The following GRID2 variants were observed in gnomAD, a reference collection of about 807,000 sequenced individuals.
GRID2 encodes glutamate receptor ionotropic, delta-2.
GRID2 carries 33 observed loss-of-function variants against 114.8 expected under a neutral mutation model. That is an observed-to-expected ratio of 0.29 (90% confidence interval 0.22 to 0.38). The LOEUF is 0.38. GRID2 is among the 10% of genes least tolerant of loss of function. GRID2 has a pLI of 1.00. For missense variants in GRID2, 1,184 were observed against 1,257.7 expected, an observed-to-expected ratio of 0.94 and a Z score of 0.89; for synonymous variants, 505 against 449.9, an observed-to-expected ratio of 1.12 and a Z score of -1.55.
chr4:93,419,984 A>G (rs989288535), intron 9 of GRID2, among the ~76,000 whole-genome samples: 3 of 152,142 alleles, frequency 2.0e-5, no homozygotes, highest in African/African-American at 7.2e-5. Context: ...TTTAAGTGTC[A>G]TATCGAAGAG....
At chr4:93,070,424 A>G (rs557060405) in intron 2 of GRID2, among the ~76,000 whole-genome samples, 1 of 152,204 alleles carries the variant, frequency 6.6e-6, no homozygotes, top group African/African-American at 2.4e-5. Context: ...TGCAGATGGT[A>G]AAAGATTACT....
intron 2 of GRID2, among the ~76,000 whole-genome samples, chr4:92,963,924 T>A (rs1017176395): frequency 6.6e-6 from 1 of 152,002 alleles, no homozygotes; most frequent in Non-Finnish European, 1.5e-5. Flanking sequence ...CAATATTAAT[T>A]TCCTTGTGAA....
intron 2 of GRID2, among the ~76,000 whole-genome samples, chr4:92,788,270 T>C (rs978626581): frequency 2.0e-5 from 3 of 151,690 alleles, no homozygotes; most frequent in Non-Finnish European, 4.4e-5. Flanking sequence ...AGACTAAAGG[T>C]TGAGAGTCAA....
intron 2 of GRID2, among the ~76,000 whole-genome samples, chr4:92,663,165 G>T (rs62309222): frequency 7.3e-5 from 11 of 150,914 alleles, no homozygotes; most frequent in Non-Finnish European, 1.2e-4. Context: ...ACTCTAAAAA[G>T]AAACACCAGC....
chr4:92,667,022 G>T (rs1162232338), intron 2 of GRID2, among the ~76,000 whole-genome samples: 1 of 151,490 alleles, frequency 6.6e-6, no homozygotes, highest in Non-Finnish European at 1.5e-5. Flanking sequence ...TGAGTTGTAT[G>T]AAAACTGCTC....
intron 1 of GRID2, among the ~76,000 whole-genome samples, chr4:92,346,718 C>G (rs17019324): frequency 6.6e-6 from 1 of 151,874 alleles, no homozygotes; most frequent in Non-Finnish European, 1.5e-5. Flanking sequence ...AGTAAAAGTT[C>G]GAATATTCAT....
At position 92,659,033 on chromosome 4, in the gene GRID2, C is replaced by T. The variant is rs982871449; in HGVS notation, c.244+68747C>T. ...GTTATTTTCTACACTCTAGTTGTTT[C>T]TACAGGACTTTCTGTGCCCCAATAG... On this transcript the variant is annotated intron_variant, in intron 2 of 15. Coordinates refer to ENST00000282020, the MANE Select transcript of GRID2 (RefSeq NM_001510.4). Among the ~76,000 whole-genome samples the T allele has an allele frequency of 2.2e-5, 3 of 134,720 alleles. 1 individual carries two copies. Among genetic ancestry groups the T allele is most frequent in the South Asian group, 2.8e-4 (1 of 3,608 alleles). The allele number at this position is 134,720 out of a possible 152,430, so 88.4% of individuals were successfully genotyped here. A position where few individuals can be genotyped will look rare whatever the true frequency, so the allele number is the denominator to read the frequency against.
rs200657084 is a variant in GRID2 at position 93,225,255 on chromosome 4, T to G, written c.1125+480T>G. ...TATGTTGCAGCATTTGTGAACTATTTGGGGTAACTGATTGCATTATTCCTC... is the reference window on the plus strand; with the variant it reads ...TATGTTGCAGCATTTGTGAACTATTGGGGGTAACTGATTGCATTATTCCTC... On this transcript the variant is annotated intron_variant, in intron 7 of 15. Coordinates refer to ENST00000282020, the MANE Select transcript of GRID2 (RefSeq NM_001510.4). Among the ~76,000 whole-genome samples, 14 of 152,304 alleles carry G rather than the reference T, an allele frequency of 9.2e-5. No individual in the cohort carries two copies. In the East Asian group the frequency reaches 2.7e-3, roughly 29 times the overall value.
At chr4:93,099,144 C>G (rs1476901427) in intron 3 of GRID2, among the ~76,000 whole-genome samples, 9 of 151,664 alleles carry the variant, frequency 5.9e-5, no homozygotes, top group Non-Finnish European at 1.3e-4. Context: ...AGTTACCACC[C>G]TGAGTTACAT....
chr4:92,522,210 C>A (rs926304095), intron 1 of GRID2, among the ~76,000 whole-genome samples: 2 of 151,726 alleles, frequency 1.3e-5, no homozygotes, highest in South Asian at 2.1e-4. Context: ...ATTCCAGACA[C>A]AGGAAAGAGA....
intron 4 of GRID2, among the ~76,000 whole-genome samples, chr4:93,183,926 T>C (rs1740145213): frequency 6.6e-6 from 1 of 152,200 alleles, no homozygotes; most frequent in African/African-American, 2.4e-5. Context: ...CCTTACACTA[T>C]ATCAGTTCTT....
At chr4:93,272,411 CA>C (rs1194173508) in intron 8 of GRID2, among the ~76,000 whole-genome samples, 1 of 152,156 alleles carries the variant, frequency 6.6e-6, no homozygotes, top group Non-Finnish European at 1.5e-5. Context: ...CTGGGCTGAG[CA>C]GAAGGGCCAG....
At chr4:93,316,016 G>C (rs1164355068) in intron 8 of GRID2, among the ~76,000 whole-genome samples, 1 of 152,060 alleles carries the variant, frequency 6.6e-6, no homozygotes, top group Non-Finnish European at 1.5e-5. Context: ...TTGATGAGGA[G>C]ACTTGAGAAA....
chr4:93,173,998 A>C (rs1739102948), intron 4 of GRID2, among the ~76,000 whole-genome samples: 1 of 152,158 alleles, frequency 6.6e-6, no homozygotes. Flanking sequence ...AGTCATGAGA[A>C]ATAATATAGA....
At chr4:92,915,856 T>G (rs1192664080) in intron 2 of GRID2, among the ~76,000 whole-genome samples, 1 of 152,166 alleles carries the variant, frequency 6.6e-6, no homozygotes, top group African/African-American at 2.4e-5. Flanking sequence ...TGGCCACATG[T>G]ATGTCTTCTT....
chr4:92,305,019 T>C (rs1725302847), intron 1 of GRID2, among the ~76,000 whole-genome samples: 1 of 152,184 alleles, frequency 6.6e-6, no homozygotes, highest in Non-Finnish European at 1.5e-5. Flanking sequence ...GAGTGTGTGC[T>C]GGGAACTGCA....
intron 2 of GRID2, among the ~76,000 whole-genome samples, chr4:92,927,683 C>G (rs1017807845): frequency 1.5e-4 from 22 of 151,710 alleles, no homozygotes; most frequent in African/African-American, 4.6e-4. Context: ...ATCCAAAAGA[C>G]AGAGCCATCA....
chr4:93,097,670 G>C (rs919970157), intron 3 of GRID2, among the ~76,000 whole-genome samples: 1 of 151,850 alleles, frequency 6.6e-6, no homozygotes, highest in Non-Finnish European at 1.5e-5. Flanking sequence ...AATTTCAACA[G>C]GTCTCTTCTT....
chr4:93,024,820 G>A (rs1723735774), intron 2 of GRID2, among the ~76,000 whole-genome samples: 1 of 151,616 alleles, frequency 6.6e-6, no homozygotes, highest in Admixed American at 6.6e-5. Context: ...AAATTATAAA[G>A]ATTACATTAA....
Sources: gnomAD v4.1 joint callset for allele counts (sites outside exome capture counted in the v4.1 genomes callset) on GRCh38, gnomAD v4.1.1 for gene constraint, MANE v1.5 for transcripts, NCBI Gene and HGNC (gene_info 2026-07-23, HGNC 2026-07-21) for gene names.